Variants in PKD1L1 observed in about 807,000 individuals in gnomAD.
PKD1L1 encodes the protein polycystin 1 like 1, transient receptor potential channel interacting.
Under a neutral mutation model 323.4 loss-of-function variants are expected in PKD1L1, and 236 were observed. The ratio of observed to expected loss-of-function variants is 0.73; its 90% CI spans 0.66 to 0.81. The LOEUF (loss-of-function observed/expected upper bound fraction) is 0.81, where lower values mean the gene tolerates loss of function less well. Among genes scored for constraint, PKD1L1 ranks in the 40% least tolerant of loss-of-function variants. The pLI is 0.00. For missense variants in PKD1L1, 3,320 were observed against 3,508.0 expected, an observed-to-expected ratio of 0.95 and a Z score of 1.35; for synonymous variants, 1,344 against 1,335.0, an observed-to-expected ratio of 1.01 and a Z score of -0.15.
At chr7:47,920,482 A>G (rs541151088) in intron 7 of PKD1L1, among the ~76,000 whole-genome samples, 8 of 152,244 alleles carry the variant, frequency 5.3e-5, no homozygotes, top group Non-Finnish European at 1.0e-4. Flanking sequence ...GCAATCTACA[A>G]ATTCAGTGGA....
intron 56 of PKD1L1, among the ~76,000 whole-genome samples, chr7:47,778,437 T>C (rs1786618268): frequency 6.6e-6 from 1 of 152,144 alleles, no homozygotes; most frequent in African/African-American, 2.4e-5. Flanking sequence ...CACTCATGAT[T>C]AGAATAAAGA....
chr7:47,879,802 A>G (rs59291826), intron 21 of PKD1L1, among the ~76,000 whole-genome samples: 48,117 of 142,234 alleles, frequency 0.34, 9,375 homozygotes, highest in African/African-American at 0.53. Flanking sequence ...GCGTGGTGGC[A>G]GGCAGCTGTA....
chr7:47,891,048 C>T (rs1190017014), intron 15 of PKD1L1, among the ~76,000 whole-genome samples: 1 of 152,188 alleles, frequency 6.6e-6, no homozygotes, highest in Non-Finnish European at 1.5e-5. Flanking sequence ...CTTCTCTGCG[C>T]ACAGCGACCT....
chr7:47,777,789 C>A (rs748282581), intron 56 of PKD1L1, among the ~76,000 whole-genome samples: 1 of 152,202 alleles, frequency 6.6e-6, no homozygotes, highest in Non-Finnish European at 1.5e-5. Flanking sequence ...AAAGGCAGCT[C>A]TGTCATCTTC....
At position 47,931,231 on chromosome 7, in the gene PKD1L1, C is replaced by T. The variant is rs1376743988; in HGVS notation, c.610G>A (p.Val204Met). The change falls in exon 6 of 57, where the codon GTG becomes ATG. Residue 204 changes from valine to methionine, a missense_variant. Transcript: ENST00000289672. ...VLRLLCCAED[V>M]ATGLLPGTVT... ...GTCCCAGGAAGCAGCCCCGTGGCCA[C>T]ATCCTCCGCACAGCACAGCAGTCTC... 2 of 1,614,140 alleles carry T rather than the reference C, an allele frequency of 1.2e-6. No individual in the cohort carries two copies. The highest frequency in any genetic ancestry group is 1.7e-6 in the Non-Finnish European group (2 of 1,180,042).
chr7:47,880,284 A>ATATATTT (rs1225214936), intron 21 of PKD1L1, among the ~76,000 whole-genome samples: 39 of 56,780 alleles, frequency 6.9e-4, no homozygotes, highest in South Asian at 2.9e-3. Flanking sequence ...ATATATATAT[A>ATATATTT]TTTTTTTTTT....
intron 55 of PKD1L1, among the ~76,000 whole-genome samples, chr7:47,793,828 A>T (rs1275099762): frequency 6.6e-6 from 1 of 152,170 alleles, no homozygotes; most frequent in Admixed American, 6.5e-5. Flanking sequence ...GTGATATGAA[A>T]AATAAAGTCC....
intron 7 of PKD1L1, among the ~76,000 whole-genome samples, chr7:47,922,445 T>C (rs1787565448): frequency 2.1e-5 from 3 of 143,304 alleles, no homozygotes; most frequent in Admixed American, 2.1e-4. Context: ...TTCCCGGCCG[T>C]CATCCCGTCT....
In PKD1L1 at chr7:47,858,825, G is replaced by A; in HGVS notation, c.4210C>T (p.Gln1404Ter). Residue 1404 changes from glutamine (Q) to a stop codon, truncating the protein, a stop_gained, in exon 27 of 57, where the codon CAG becomes TAG. Transcript: ENST00000289672. LOFTEE classifies it high-confidence loss of function. ...KYTRALLAQG[Q>*]FSGPFVIDKG... ...TCAATCACAAATGGCCCCGAGAACTGGCCTTGAGCAAGGAGTGCCCGGGTG... is the reference window on the plus strand; with the variant it reads ...TCAATCACAAATGGCCCCGAGAACTAGCCTTGAGCAAGGAGTGCCCGGGTG... 5.0e-6 allele frequency: 8 copies of A among 1,614,090 alleles called. No homozygotes were observed. Among genetic ancestry groups the A allele is most frequent in the Non-Finnish European group, 6.8e-6 (8 of 1,180,002 alleles).
At chr7:47,791,033 C>T (rs973878127) in intron 56 of PKD1L1, among the ~76,000 whole-genome samples, 1 of 152,154 alleles carries the variant, frequency 6.6e-6, no homozygotes, top group Non-Finnish European at 1.5e-5. Flanking sequence ...CTACACCCAC[C>T]CATGTTCTAG....
chr7:47,822,139 T>C (rs1234759869), intron 45 of PKD1L1, among the ~76,000 whole-genome samples: 1 of 152,248 alleles, frequency 6.6e-6, no homozygotes, highest in Non-Finnish European at 1.5e-5. Context: ...CCAAATATCA[T>C]GCTGCCTTGG....
intron 28 of PKD1L1, among the ~76,000 whole-genome samples, chr7:47,855,875 C>CAAAAAAAAAA (rs536157879): frequency 9.2e-5 from 3 of 32,534 alleles, no homozygotes; most frequent in African/African-American, 5.4e-4. Flanking sequence ...GACTCCGTCT[C>CAAAAAAAAAA]AAAAAAAAAA....
In PKD1L1 at chr7:47,944,226, T is replaced by C. The variant is rs549304851; in HGVS notation, c.45-715A>G. On this transcript the variant is annotated intron_variant, in intron 1 of 56. Transcript: ENST00000289672. ...CATGGCTTGGTGCTGTCTTTGTGAG[T>C]TCTCCGAGATCTGGTCATTTAAAAG... is the stretch of plus-strand genomic sequence containing the variant. 5.9e-5 allele frequency among the ~76,000 whole-genome samples: 9 copies of C among 152,236 alleles called. No homozygotes were observed. In the South Asian group the frequency reaches 1.9e-3, roughly 32 times the overall value.
chr7:47,822,954 T>C (rs113482279), intron 45 of PKD1L1, among the ~76,000 whole-genome samples: 2,162 of 83,614 alleles, frequency 0.026, 62 homozygotes, highest in African/African-American at 0.099. Flanking sequence ...TCCAGAACCC[T>C]TTTTTTTTTT....
chr7:47,912,783 T>C (rs1346986703), intron 8 of PKD1L1, among the ~76,000 whole-genome samples: 2 of 118,628 alleles, frequency 1.7e-5, no homozygotes, highest in Non-Finnish European at 3.2e-5. Flanking sequence ...GCCACTGTAC[T>C]CCAGCCTGGG....
intron 7 of PKD1L1, among the ~76,000 whole-genome samples, chr7:47,921,993 C>G (rs7791041): frequency 0.71 from 107,601 of 151,438 alleles, 39,219 homozygotes; most frequent in African/African-American, 0.88. Flanking sequence ...CTGCCATCTC[C>G]ACTCACTGCA....
At chr7:47,960,630 G>C in the PKD1L1 span, among the ~76,000 whole-genome samples, 7 of 150,598 alleles carry the variant, frequency 4.6e-5, no homozygotes, top group Admixed American at 4.0e-4. Flanking sequence ...AGATATGTAT[G>C]TAAGACTGTT....
rs771087059 is a variant in PKD1L1 at position 47,884,671 on chromosome 7, C to CA, written c.3206-15dup. 1.2e-6 allele frequency: 2 copies of CA among 1,604,064 alleles called. No homozygotes were observed. Among genetic ancestry groups the CA allele is most frequent in the East Asian group, 4.5e-5 (2 of 44,834 alleles). On this transcript the variant is annotated splice_polypyrimidine_tract_variant and intron_variant, in intron 18 of 56. Coordinates refer to ENST00000289672, the MANE Select transcript of PKD1L1 (RefSeq NM_138295.5). ...AGGCTTCAAAATCTATAAGAAAGGA[C>CA]AAAATCATAATGTTTCCTTTAAAAT...
At chr7:47,960,848 C>A in the PKD1L1 span, among the ~76,000 whole-genome samples, 1 of 150,288 alleles carries the variant, frequency 6.7e-6, no homozygotes, top group Non-Finnish European at 1.5e-5. Context: ...TCACCTCATA[C>A]CAGTTAAAAT....
Sources: allele counts gnomAD v4.1 joint callset (sites outside exome capture counted in the v4.1 genomes callset), GRCh38; gene constraint gnomAD v4.1.1; transcripts MANE v1.5; gene names NCBI Gene and HGNC (gene_info 2026-07-23, HGNC 2026-07-21).